Variants in AP2A2 observed in about 807,000 individuals in gnomAD.
AP2A2 encodes adaptor related protein complex 2 subunit alpha 2.
In AP2A2, 32 loss-of-function variants were observed where a neutral mutation model predicts 104.2. That is an observed-to-expected ratio of 0.31 (90% CI 0.23 to 0.41). The LOEUF (loss-of-function observed/expected upper bound fraction) is 0.41. Among genes scored for constraint, AP2A2 ranks in the 10% least tolerant of loss-of-function variants. AP2A2 has a pLI of 1.00. For missense variants in AP2A2, 912 were observed against 1,261.0 expected, an observed-to-expected ratio of 0.72 and a Z score of 4.19; for synonymous variants, 539 against 533.3, an observed-to-expected ratio of 1.01 and a Z score of -0.15.
At chr11:1,002,926 C>T (rs577532334) in intron 15 of AP2A2, among the ~76,000 whole-genome samples, 123 of 152,324 alleles carry the variant, frequency 8.1e-4, no homozygotes, top group African/African-American at 2.9e-3. Flanking sequence ...GCCTCCCCAC[C>T]CTGTGGTTTG....
chr11:994,450 G>C lies in AP2A2; in HGVS notation c.1956+205G>C, dbSNP rs181556872. Among the ~76,000 whole-genome samples, 292 of 151,514 alleles carry C rather than the reference G, an allele frequency of 1.9e-3. 1 individual carries two copies. The highest frequency in any genetic ancestry group is 6.9e-3 in the African/African-American group (284 of 41,286). On this transcript the variant is annotated intron_variant, in intron 14 of 21. Coordinates refer to ENST00000448903, the MANE Select transcript of AP2A2 (RefSeq NM_012305.4). ...TCCTGTCCTGGGGGCCACTGTCCCT[G>C]CTGGACGCCACGCTGTCCTGTCCCG...
At position 1,000,479 on chromosome 11, in the gene AP2A2, C is replaced by A. The variant is rs868325376; in HGVS notation, c.2004C>A (p.Pro668=). ...ACCTGCTGGGTCTCGGGGCTGCCCC[C>A]CCTGCCCCCGCGGGCCCCCCACCCT... is the stretch of plus-strand genomic sequence containing the variant. ...SADLLGLGAA[P]PAPAGPPPSS... is the part of the protein sequence containing the mutation. Residue 668 remains proline, a synonymous_variant, in exon 15 of 22, where the codon CCC becomes CCA. Coordinates refer to ENST00000448903, the MANE Select transcript of AP2A2 (RefSeq NM_012305.4). 2 of 1,540,554 alleles carry A rather than the reference C, an allele frequency of 1.3e-6. No homozygotes were observed. Among genetic ancestry groups the A allele is most frequent in the Non-Finnish European group, 1.7e-6 (2 of 1,147,134 alleles).
intron 1 of AP2A2, among the ~76,000 whole-genome samples, chr11:929,140 C>T (rs1853209984): frequency 6.6e-6 from 1 of 152,210 alleles, no homozygotes; most frequent in African/African-American, 2.4e-5. Context: ...TTGGCTGGTG[C>T]CTGGAGACGG....
At chr11:966,466 C>T (rs965495372) in intron 2 of AP2A2, among the ~76,000 whole-genome samples, 10 of 152,208 alleles carry the variant, frequency 6.6e-5, no homozygotes, top group Non-Finnish European at 1.5e-4. Flanking sequence ...CCACTGCACT[C>T]CAGTCTGGGT....
chr11:955,851 G>A (rs920689959), intron 1 of AP2A2, among the ~76,000 whole-genome samples: 4 of 152,332 alleles, frequency 2.6e-5, no homozygotes, highest in African/African-American at 9.6e-5. Context: ...GGTGGAGTTC[G>A]GCCCTGTGAC....
intron 2 of AP2A2, among the ~76,000 whole-genome samples, chr11:967,511 G>T (rs568042160): frequency 6.6e-6 from 1 of 151,942 alleles, no homozygotes; most frequent in Non-Finnish European, 1.5e-5. Flanking sequence ...ACAGGCGCCC[G>T]CCACCACGCC....
In AP2A2 at chr11:992,803, C is replaced by T; in HGVS notation, c.1452+118C>T. On this transcript the variant is annotated intron_variant, in intron 11 of 21. Transcript: ENST00000448903. The surrounding 1 kb of genome is among the most constrained non-coding windows in gnomAD (Gnocchi z 6.4). Reference sequence around the variant, plus strand: ...GAGGGCCGTTGCTGACCCCTCTTGCCCCTCAGCTCTTCCCTGAGGCTCTAG... The same window carrying T: ...GAGGGCCGTTGCTGACCCCTCTTGCTCCTCAGCTCTTCCCTGAGGCTCTAG... 1 of 1,067,584 alleles carries T rather than the reference C, an allele frequency of 9.4e-7. No individual in the cohort carries two copies. The highest frequency in any genetic ancestry group is 1.4e-5 in the South Asian group (1 of 69,142). 66.1% of individuals were successfully genotyped at this position (1,067,584 alleles called of 1,614,324 possible).
rs558188356 is a variant in AP2A2, at chr11:959,577, T to A, written c.136+72T>A. ...CTGTAGTAAGAACCCAGTCTTTTAA[T>A]ACTGTCTTCTTTTCTCCCACACTAA... is the stretch of plus-strand genomic sequence containing the variant. On this transcript the variant is annotated intron_variant, in intron 2 of 21. Coordinates refer to ENST00000448903, the MANE Select transcript of AP2A2 (RefSeq NM_012305.4). 3 of 972,648 alleles carry A rather than the reference T, an allele frequency of 3.1e-6. No individual in the cohort carries two copies. In the East Asian group the frequency reaches 7.4e-5, roughly 24 times the overall value. The allele number at this position is 972,648 out of a possible 1,614,324, so 60.3% of individuals were successfully genotyped here. A position where few individuals can be genotyped will look rare whatever the true frequency, so the allele number is the denominator to read the frequency against.
At chr11:938,920 G>C (rs974254415) in intron 1 of AP2A2, among the ~76,000 whole-genome samples, 1 of 152,066 alleles carries the variant, frequency 6.6e-6, no homozygotes, top group Non-Finnish European at 1.5e-5. Flanking sequence ...GTCTAGGCTT[G>C]TCCTTACTTA....
At position 992,520 on chromosome 11, in the gene AP2A2, C is replaced by T; in HGVS notation, c.1287C>T (p.Ile429=). 6.3e-7 allele frequency: 1 copy of T among 1,599,560 alleles called. No homozygotes were observed. The highest frequency in any genetic ancestry group is 8.5e-7 in the Non-Finnish European group (1 of 1,173,220). ...CCCCACAGGTGCTGAAGGTCGCCATCCTGGCTGAGAAGTACGCGGTGGACT... is the reference window on the plus strand; with the variant it reads ...CCCCACAGGTGCTGAAGGTCGCCATTCTGGCTGAGAAGTACGCGGTGGACT... ...IREEIVLKVA[I]LAEKYAVDYT... The change falls in exon 11 of 22, where the codon ATC becomes ATT. Residue 429 remains isoleucine (I), a synonymous_variant. Coordinates refer to ENST00000448903, the MANE Select transcript of AP2A2 (RefSeq NM_012305.4). This position sits in a 1 kb window ranked among gnomAD's most constrained non-coding sequence, Gnocchi z 6.4.
At chr11:1,005,033 C>T (rs1354930104) in intron 16 of AP2A2, among the ~76,000 whole-genome samples, 3 of 152,184 alleles carry the variant, frequency 2.0e-5, no homozygotes, top group Admixed American at 2.0e-4. Context: ...TACCTGTCCA[C>T]CCATGTCCAA....
chr11:954,367 C>T (rs979506300), intron 1 of AP2A2, among the ~76,000 whole-genome samples: 4 of 151,666 alleles, frequency 2.6e-5, no homozygotes, highest in South Asian at 2.1e-4. Context: ...TGTGTGTATG[C>T]GTATATTTGT....
intron 1 of AP2A2, among the ~76,000 whole-genome samples, chr11:958,096 G>T (rs1854295824): frequency 1.3e-5 from 2 of 152,232 alleles, no homozygotes; most frequent in South Asian, 4.1e-4. Context: ...CTTTCAGGAG[G>T]CATTTAAGGT....
chr11:929,893 G>C (rs1379490630), intron 1 of AP2A2, among the ~76,000 whole-genome samples: 1 of 152,014 alleles, frequency 6.6e-6, no homozygotes, highest in Non-Finnish European at 1.5e-5. Flanking sequence ...AGGCTGAGGT[G>C]GGCGGATCAC....
intron 1 of AP2A2, among the ~76,000 whole-genome samples, chr11:937,710 C>G (rs1853504979): frequency 1.3e-5 from 2 of 152,214 alleles, no homozygotes; most frequent in Non-Finnish European, 2.9e-5. Context: ...TTATTGAATA[C>G]TGTATGAAAG....
chr11:974,833 A>G (rs1371576727), intron 4 of AP2A2, among the ~76,000 whole-genome samples: 1 of 151,736 alleles, frequency 6.6e-6, no homozygotes, highest in Non-Finnish European at 1.5e-5. Context: ...AAAACCAGAA[A>G]AATTAGCTGG....
At chr11:976,527 C>T (rs1190805208) in intron 4 of AP2A2, among the ~76,000 whole-genome samples, 3 of 152,096 alleles carry the variant, frequency 2.0e-5, no homozygotes, top group Admixed American at 1.3e-4. Context: ...GGGGGATAAG[C>T]GGAGCATGGA....
At chr11:995,905 C>T (rs1464783624) in intron 14 of AP2A2, among the ~76,000 whole-genome samples, 2 of 150,712 alleles carry the variant, frequency 1.3e-5, no homozygotes, top group African/African-American at 4.9e-5. Context: ...AGATGTGACT[C>T]TTTCTCCCAA....
At chr11:1,008,972 C>T (rs979393696) in intron 18 of AP2A2, 128 bp from the exon 19 acceptor site, 39 of 719,994 alleles carry the variant, frequency 5.4e-5, no homozygotes, top group Admixed American at 7.4e-5. Context: ...ACTGAAGGCT[C>T]GGCCCCCCGA....
Sources: allele counts gnomAD v4.1 joint callset (sites outside exome capture counted in the v4.1 genomes callset), GRCh38; gene constraint gnomAD v4.1.1; non-coding constraint Gnocchi (gnomAD v3.1); transcripts MANE v1.5; gene names NCBI Gene and HGNC (gene_info 2026-07-23, HGNC 2026-07-21).